The following MIS18A variants were observed in gnomAD, a reference collection of about 807,000 sequenced individuals.
The protein encoded by MIS18A is protein Mis18-alpha.
A neutral mutation model predicts 25.0 loss-of-function variants in MIS18A; 14 were observed. That is an observed-to-expected ratio of 0.56 (90% confidence interval 0.37 to 0.88). The LOEUF (loss-of-function observed/expected upper bound fraction) is 0.88, where lower values mean the gene tolerates loss of function less well. Ranked by LOEUF, MIS18A falls within the 40% of genes least tolerant of loss-of-function variation. The probability of loss-of-function intolerance (pLI) is 0.00; values close to 1 mark genes in which losing one functional copy is unlikely to be tolerated. For synonymous variants in MIS18A, 134 were observed against 118.6 expected (o/e 1.13, Z -0.84); for missense variants, 292 against 290.8 (o/e 1.00, Z -0.03).
chr21:32,252,623 T>C, the MIS18A span, among the ~76,000 whole-genome samples: 1 of 152,340 alleles, frequency 6.6e-6, no homozygotes, highest in South Asian at 2.1e-4. Context: ...ATACCCGCTG[T>C]CAGAAGTATC....
chr21:32,278,511 G>A (rs1176568873), intron 1 of MIS18A, 170 bp downstream of exon 1: 2 of 694,778 alleles, frequency 2.9e-6, no homozygotes, highest in Non-Finnish European at 4.6e-6. Context: ...CCAAAGTGGA[G>A]GGGTGACCCT....
At chr21:32,186,556 A>C in the MIS18A span, among the ~76,000 whole-genome samples, 2 of 152,208 alleles carry the variant, frequency 1.3e-5, no homozygotes, top group Admixed American at 1.3e-4. Flanking sequence ...GTATTTTGTT[A>C]CTTGAGGTTA....
At chr21:32,252,439 G>C in the MIS18A span, among the ~76,000 whole-genome samples, 198 of 151,276 alleles carry the variant, frequency 1.3e-3, no homozygotes, top group African/African-American at 4.7e-3. Context: ...GAGGAGGAAG[G>C]GGAGAGGAGG....
chr21:32,180,658 T>A, the MIS18A span, among the ~76,000 whole-genome samples: 1 of 152,198 alleles, frequency 6.6e-6, no homozygotes, highest in African/African-American at 2.4e-5. Context: ...CTCACCATAG[T>A]GGTTTACCAA....
At chr21:32,200,164 C>T in the MIS18A span, among the ~76,000 whole-genome samples, 21 of 152,190 alleles carry the variant, frequency 1.4e-4, no homozygotes, top group Non-Finnish European at 2.8e-4. Flanking sequence ...ATCACTGTAG[C>T]GCAAAAGCAG....
At chr21:32,227,123 G>T in the MIS18A span, among the ~76,000 whole-genome samples, 1 of 151,964 alleles carries the variant, frequency 6.6e-6, no homozygotes, top group Non-Finnish European at 1.5e-5. Context: ...AAAGTAGAAT[G>T]ATCTTAAATG....
the MIS18A span, among the ~76,000 whole-genome samples, chr21:32,160,936 C>T: frequency 9.2e-5 from 14 of 152,208 alleles, no homozygotes; most frequent in African/African-American, 3.1e-4. Flanking sequence ...CGGCCAGTTG[C>T]ATTCTTTTGA....
At chr21:32,226,568 C>T in the MIS18A span, among the ~76,000 whole-genome samples, 2 of 151,898 alleles carry the variant, frequency 1.3e-5, no homozygotes, top group Non-Finnish European at 2.9e-5. Flanking sequence ...ATAGAAGGAC[C>T]TAAAAACAGG....
the MIS18A span, among the ~76,000 whole-genome samples, chr21:32,186,563 G>T: frequency 6.6e-6 from 1 of 152,310 alleles, no homozygotes; most frequent in East Asian, 1.9e-4. Flanking sequence ...GTTACTTGAG[G>T]TTAAAGTTTA....
chr21:32,207,159 G>A, the MIS18A span, among the ~76,000 whole-genome samples: 7 of 152,110 alleles, frequency 4.6e-5, no homozygotes, highest in South Asian at 6.2e-4. Context: ...AATACGAGGC[G>A]TGTTCAAAAA....
At position 32,269,016 on chromosome 21, in the gene MIS18A, A is replaced by G; in HGVS notation, c.*21T>C. 1 of 1,550,642 alleles carries G rather than the reference A, an allele frequency of 6.4e-7. No individual in the cohort carries two copies. Among genetic ancestry groups the G allele is most frequent in the Non-Finnish European group, 8.8e-7 (1 of 1,133,572 alleles). On this transcript the variant is annotated 3_prime_UTR_variant, in exon 5 of 5. Transcript: ENST00000290130. ...TAAGGGGAGGAAGGGCGGGGGCAGAATGGAGGACACAGACTAGAGTTCAGC... is the reference window on the plus strand; with the variant it reads ...TAAGGGGAGGAAGGGCGGGGGCAGAGTGGAGGACACAGACTAGAGTTCAGC...
the MIS18A span, among the ~76,000 whole-genome samples, chr21:32,216,467 TC>T: frequency 6.6e-6 from 1 of 152,202 alleles, no homozygotes; most frequent in African/African-American, 2.4e-5. Flanking sequence ...AGCCTTTTCT[TC>T]AGAGGATATT....
chr21:32,214,150 C>T, the MIS18A span, among the ~76,000 whole-genome samples: 1 of 152,136 alleles, frequency 6.6e-6, no homozygotes, highest in African/African-American at 2.4e-5. Context: ...TCCCATGGTG[C>T]CCACGCCCTT....
At chr21:32,253,410 C>T in the MIS18A span, among the ~76,000 whole-genome samples, 2 of 138,268 alleles carry the variant, frequency 1.4e-5, no homozygotes, top group East Asian at 2.5e-4. Flanking sequence ...CCCCATTAGG[C>T]CTGCTCCCAA....
At chr21:32,265,022 C>T (rs2031566654), downstream of MIS18A, among the ~76,000 whole-genome samples, 1 of 152,214 alleles carries the variant, frequency 6.6e-6, no homozygotes, top group Non-Finnish European at 1.5e-5. Flanking sequence ...ATCAGTTTCC[C>T]TATCTTCTCC....
the MIS18A span, among the ~76,000 whole-genome samples, chr21:32,194,258 C>A: frequency 2.0e-5 from 3 of 152,070 alleles, no homozygotes; most frequent in Non-Finnish European, 4.4e-5. Context: ...GCACTATTCC[C>A]AATGGCAAAG....
chr21:32,243,673 G>C, the MIS18A span, among the ~76,000 whole-genome samples: 1 of 152,180 alleles, frequency 6.6e-6, no homozygotes, highest in African/African-American at 2.4e-5. Flanking sequence ...CAAGAGAAAT[G>C]TGAGCCTGTG....
the MIS18A span, among the ~76,000 whole-genome samples, chr21:32,208,171 C>G: frequency 6.6e-6 from 1 of 152,206 alleles, no homozygotes; most frequent in Non-Finnish European, 1.5e-5. Context: ...GGGGACTCCA[C>G]AAACTGCAGA....
At chr21:32,246,224 T>C in the MIS18A span, among the ~76,000 whole-genome samples, 1 of 152,102 alleles carries the variant, frequency 6.6e-6, no homozygotes, top group African/African-American at 2.4e-5. Flanking sequence ...AACAAGAGAT[T>C]TGGGCAGAGA....
Sources: allele counts gnomAD v4.1 joint callset (sites outside exome capture counted in the v4.1 genomes callset), GRCh38; gene constraint gnomAD v4.1.1; transcripts MANE v1.5; gene names NCBI Gene and HGNC (gene_info 2026-07-23, HGNC 2026-07-21).